Variants in MRPS28 observed in about 807,000 individuals in gnomAD.
MRPS28 encodes the protein small ribosomal subunit protein bS1m.
Under a neutral mutation model 10.8 loss-of-function variants are expected in MRPS28, and 7 were observed. That is an observed-to-expected ratio of 0.65 (90% CI 0.37 to 1.22). The LOEUF is 1.22. Ranked by LOEUF, MRPS28 falls within the 50% of genes most tolerant of loss-of-function variation. MRPS28 has a pLI of 0.02. For missense variants in MRPS28, 265 were observed against 232.9 expected (o/e 1.14, Z -0.90); for synonymous variants, 121 against 93.3 (o/e 1.30, Z -1.71).
At chr8:79,922,967 G>A (rs59271464) in intron 2 of MRPS28, among the ~76,000 whole-genome samples, 13,639 of 152,070 alleles carry the variant, frequency 0.09, 1,286 homozygotes, top group African/African-American at 0.24. Flanking sequence ...ATATTTGGGT[G>A]TTCTGAAGAA....
At chr8:79,985,288 A>T (rs1208376483) in intron 2 of MRPS28, among the ~76,000 whole-genome samples, 1 of 152,256 alleles carries the variant, frequency 6.6e-6, no homozygotes, top group Admixed American at 6.5e-5. Flanking sequence ...GTGTAGAGGG[A>T]AATTTATAGC....
At chr8:80,022,431 T>A (rs1156963115) in intron 1 of MRPS28, among the ~76,000 whole-genome samples, 2 of 152,236 alleles carry the variant, frequency 1.3e-5, no homozygotes, top group East Asian at 3.8e-4. Context: ...AAATACTGTG[T>A]GTCCCAGTGA....
intron 1 of MRPS28, among the ~76,000 whole-genome samples, chr8:80,019,501 A>G (rs999639712): frequency 6.6e-6 from 1 of 151,746 alleles, no homozygotes; most frequent in Admixed American, 6.6e-5. Flanking sequence ...TCAACTTCCT[A>G]AAGAATATCT....
In MRPS28 at chr8:80,030,052, A is replaced by C. The variant is rs1586108322; in HGVS notation, c.197T>G (p.Val66Gly). 1 of 1,613,466 alleles carries C rather than the reference A, an allele frequency of 6.2e-7. No homozygotes were observed. The highest frequency in any genetic ancestry group is 8.5e-7 in the Non-Finnish European group (1 of 1,179,742). ...GGGCTCCACCTTCTGTAGGGGCTCC[A>C]CCTTCTGTAGAAGCTCCGAGTGCCG... ...LERHSELLQK[V>G]EPLQKGSPKN... Residue 66 changes from valine to glycine, a missense_variant, in exon 1 of 3, where the codon GTG becomes GGG. Physicochemically the swap from Val to Gly is moderately radical, Grantham distance 109 (BLOSUM62 -3). Transcript: ENST00000276585.
At chr8:79,927,618 C>A (rs1006645716) in intron 2 of MRPS28, among the ~76,000 whole-genome samples, 8 of 152,120 alleles carry the variant, frequency 5.3e-5, no homozygotes, top group African/African-American at 1.7e-4. Context: ...TAAGAGGATA[C>A]CAACAACAAT....
chr8:80,017,700 A>C (rs915878649), intron 1 of MRPS28, among the ~76,000 whole-genome samples: 1 of 152,212 alleles, frequency 6.6e-6, no homozygotes, highest in Admixed American at 6.5e-5. Flanking sequence ...AATTCTCTAC[A>C]ATCTCTTTCA....
intron 2 of MRPS28, among the ~76,000 whole-genome samples, chr8:79,983,181 T>C (rs1000752428): frequency 2.0e-5 from 3 of 152,120 alleles, no homozygotes; most frequent in African/African-American, 7.2e-5. Flanking sequence ...AGTGGACCTC[T>C]AGCAAACTCC....
chr8:79,953,288 A>G (rs1417209859), intron 2 of MRPS28, among the ~76,000 whole-genome samples: 5 of 152,324 alleles, frequency 3.3e-5, no homozygotes, highest in Non-Finnish European at 7.4e-5. Context: ...TTTTAACTTC[A>G]TTAGTACATG....
At chr8:80,017,755 A>G (rs1349703602) in intron 1 of MRPS28, among the ~76,000 whole-genome samples, 1 of 152,228 alleles carries the variant, frequency 6.6e-6, no homozygotes, top group African/African-American at 2.4e-5. Context: ...TAATATCTTA[A>G]TATCAAAACC....
chr8:79,986,963 G>A (rs186001400), intron 2 of MRPS28, among the ~76,000 whole-genome samples: 1,709 of 152,194 alleles, frequency 0.011, 28 homozygotes, highest in African/African-American at 0.038. Flanking sequence ...AGCCCACATC[G>A]CCAAGTCAAT....
intron 2 of MRPS28, among the ~76,000 whole-genome samples, chr8:79,980,782 A>T (rs1188255462): frequency 1.3e-5 from 2 of 152,246 alleles, no homozygotes; most frequent in African/African-American, 2.4e-5. Flanking sequence ...TTTCTCCAAA[A>T]TATGCAGCAC....
chr8:79,977,945 C>T (rs1000572991), intron 2 of MRPS28, among the ~76,000 whole-genome samples: 4 of 151,812 alleles, frequency 2.6e-5, no homozygotes, highest in African/African-American at 9.7e-5. Flanking sequence ...TTTCCTATTT[C>T]CCTTTTTCTT....
At chr8:79,996,334 T>A (rs921290512) in intron 2 of MRPS28, among the ~76,000 whole-genome samples, 1 of 152,198 alleles carries the variant, frequency 6.6e-6, no homozygotes, top group Non-Finnish European at 1.5e-5. Context: ...CTGATAGTTA[T>A]TAGCTTATTG....
intron 2 of MRPS28, among the ~76,000 whole-genome samples, chr8:79,999,973 C>T (rs917101721): frequency 3.3e-5 from 5 of 152,128 alleles, no homozygotes; most frequent in African/African-American, 1.2e-4. Flanking sequence ...CACTCTGTCA[C>T]CATATTATCC....
chr8:79,927,327 A>G (rs1810255882), intron 2 of MRPS28, among the ~76,000 whole-genome samples: 1 of 152,180 alleles, frequency 6.6e-6, no homozygotes, highest in Non-Finnish European at 1.5e-5. Flanking sequence ...CACAAGAGTC[A>G]AGTTTTGGCT....
At chr8:79,960,322 AG>A (rs991033187) in intron 2 of MRPS28, among the ~76,000 whole-genome samples, 1 of 152,132 alleles carries the variant, frequency 6.6e-6, no homozygotes, top group African/African-American at 2.4e-5. Flanking sequence ...TGGTTTCTAC[AG>A]TTGTCCCAGG....
intron 1 of MRPS28, among the ~76,000 whole-genome samples, chr8:80,017,877 T>G (rs1247394158): frequency 1.3e-5 from 2 of 152,086 alleles, no homozygotes; most frequent in Non-Finnish European, 2.9e-5. Flanking sequence ...ATATAAAAAT[T>G]ATATACCACA....
intron 2 of MRPS28, among the ~76,000 whole-genome samples, chr8:79,990,916 C>T (rs1394692079): frequency 6.6e-6 from 1 of 150,750 alleles, no homozygotes; most frequent in African/African-American, 2.4e-5. Flanking sequence ...TCTTGAAGCC[C>T]AGAGGTGGAG....
intron 1 of MRPS28, among the ~76,000 whole-genome samples, chr8:80,021,710 CAT>C (rs57092280): frequency 0.014 from 2,165 of 152,280 alleles, 53 homozygotes; most frequent in African/African-American, 0.049. Context: ...ATAACTGTCA[CAT>C]GTTTATGGAA....
Sources: allele counts gnomAD v4.1 joint callset (sites outside exome capture counted in the v4.1 genomes callset), GRCh38; gene constraint gnomAD v4.1.1; transcripts MANE v1.5; gene names NCBI Gene and HGNC (gene_info 2026-07-23, HGNC 2026-07-21).